Variants in ADGRL2 observed in about 807,000 individuals in gnomAD.
The protein encoded by ADGRL2 is adhesion G protein-coupled receptor L2.
ADGRL2 carries 44 observed loss-of-function variants against 157.4 expected under a neutral mutation model. That is an observed-to-expected ratio of 0.28 (90% confidence interval 0.22 to 0.36). ADGRL2 has a LOEUF of 0.36. Among genes scored for constraint, ADGRL2 ranks in the 10% least tolerant of loss-of-function variants. The pLI, the probability that ADGRL2 is intolerant of heterozygous loss-of-function variation, is 1.00. For missense variants in ADGRL2, 1,510 were observed against 1,768.9 expected, an observed-to-expected ratio of 0.85 and a Z score of 2.63; for synonymous variants, 585 against 624.7, an observed-to-expected ratio of 0.94 and a Z score of 0.95.
intron 1 of ADGRL2, among the ~76,000 whole-genome samples, chr1:81,711,493 T>A (rs1449689232): frequency 6.6e-6 from 1 of 152,218 alleles, no homozygotes; most frequent in Non-Finnish European, 1.5e-5. Flanking sequence ...ATATTAAAGA[T>A]GTATATTCAG....
At chr1:81,754,549 TTCTTTCTC>T (rs2085610846) in intron 1 of ADGRL2, among the ~76,000 whole-genome samples, 1 of 139,784 alleles carries the variant, frequency 7.2e-6, no homozygotes, top group South Asian at 2.4e-4. Flanking sequence ...CTTTCCTTCT[TTCTTTCTC>T]TCTTTCTTTC....
At chr1:81,825,894 AAGGTGATAAATCAGC>A (rs2091436525) in intron 1 of ADGRL2, among the ~76,000 whole-genome samples, 1 of 152,112 alleles carries the variant, frequency 6.6e-6, no homozygotes, top group African/African-American at 2.4e-5. Context: ...AGATGGATGG[AAGGTGATAAATCAGC>A]TTTGAGATTT....
chr1:81,783,337 C>A (rs1299739806), intron 2 of ADGRL2, among the ~76,000 whole-genome samples: 1 of 151,960 alleles, frequency 6.6e-6, no homozygotes, highest in Admixed American at 6.6e-5. Context: ...ACCGTGTTGC[C>A]CATGCTGGTC....
intron 3 of ADGRL2, among the ~76,000 whole-genome samples, chr1:81,658,346 C>G (rs182437362): frequency 1.3e-5 from 2 of 152,132 alleles, no homozygotes; most frequent in African/African-American, 4.8e-5. Context: ...CCACCTGCCT[C>G]GGCCTCCCAA....
At position 81,524,361 on chromosome 1, in the gene ADGRL2, G is replaced by A. The variant is rs548113904; in HGVS notation, c.-247-56515G>A. On this transcript the variant is annotated intron_variant, in intron 2 of 24. Transcript: ENST00000370721. ...AGCCTGGGCAACAGAGCGAGACTCC[G>A]TCTCAAAAAATAAATAAATAAAAAT... 2.2e-4 allele frequency among the ~76,000 whole-genome samples: 33 copies of A among 152,138 alleles called. 1 individual carries two copies. Among genetic ancestry groups the A allele is most frequent in the South Asian group, 4.1e-4 (2 of 4,826 alleles).
At position 81,991,185 on chromosome 1, in the gene ADGRL2, TAATA is replaced by T. The variant is rs761203786; in HGVS notation, c.*47_*50del. ...AATTCCAAGGGCCACATGCGAGTAT[TAATA>T]AATAAAGACACCATTGGCCTGACGC... On this transcript the variant is annotated 3_prime_UTR_variant, in exon 24 of 24. Coordinates refer to ENST00000686636, the MANE Select transcript of ADGRL2 (RefSeq NM_001366006.2). 18 of 1,543,306 alleles carry T rather than the reference TAATA, an allele frequency of 1.2e-5. No individual in the cohort carries two copies. Among genetic ancestry groups the T allele is most frequent in the Non-Finnish European group, 1.5e-5 (17 of 1,144,074 alleles).
intron 1 of ADGRL2, among the ~76,000 whole-genome samples, chr1:81,720,384 G>T (rs924604459): frequency 1.3e-5 from 2 of 152,010 alleles, no homozygotes; most frequent in African/African-American, 4.8e-5. Flanking sequence ...TGCTCAGGCT[G>T]GTCTCAAACT....
chr1:81,503,983 C>G (rs1377498087), intron 2 of ADGRL2, among the ~76,000 whole-genome samples: 1 of 152,170 alleles, frequency 6.6e-6, no homozygotes, highest in African/African-American at 2.4e-5. Flanking sequence ...TTCCAGCCCA[C>G]TTTGCCTACT....
chr1:81,502,537 G>C, intron 2 of ADGRL2: 4 of 1,614,044 alleles, frequency 2.5e-6, no homozygotes, highest in Non-Finnish European at 3.4e-6. Flanking sequence ...TGTACATGCT[G>C]TATAAGCTGG....
chr1:81,826,437 C>CCGTT (rs2091487236), intron 1 of ADGRL2, among the ~76,000 whole-genome samples: 1 of 151,606 alleles, frequency 6.6e-6, no homozygotes, highest in African/African-American at 2.4e-5. Context: ...CCTAGAATGA[C>CCGTT]TGGTACCAGC....
intron 2 of ADGRL2, among the ~76,000 whole-genome samples, chr1:81,892,372 G>A (rs75215456): frequency 0.013 from 2,013 of 152,208 alleles, 43 homozygotes; most frequent in African/African-American, 0.046. Context: ...CTTAAGAGGA[G>A]CATTTAAAAA....
chr1:81,337,485 G>A (rs1227551941), intron 1 of ADGRL2, among the ~76,000 whole-genome samples: 2 of 152,104 alleles, frequency 1.3e-5, no homozygotes, highest in Non-Finnish European at 2.9e-5. Flanking sequence ...GAGTAAACAA[G>A]CCATCCCCTT....
At chr1:81,872,972 A>G (rs2093738582) in intron 2 of ADGRL2, among the ~76,000 whole-genome samples, 11 of 152,110 alleles carry the variant, frequency 7.2e-5, no homozygotes, top group Admixed American at 7.2e-4. Context: ...ATAATGCTTA[A>G]CTCTCTGAAG....
chr1:81,931,682 GT>G (rs545197296), intron 3 of ADGRL2, among the ~76,000 whole-genome samples: 121 of 152,042 alleles, frequency 8.0e-4, no homozygotes, highest in African/African-American at 2.8e-3. Flanking sequence ...CCTTGTTTTT[GT>G]TTTTGAGACA....
At chr1:81,961,509 C>T (rs368960622) in intron 11 of ADGRL2, among the ~76,000 whole-genome samples, 12 of 137,304 alleles carry the variant, frequency 8.7e-5, no homozygotes, top group South Asian at 2.3e-4. Context: ...AATTTTCTTT[C>T]TTTTTTTTTT....
chr1:81,533,562 T>C (rs2079657816), intron 2 of ADGRL2, among the ~76,000 whole-genome samples: 1 of 152,198 alleles, frequency 6.6e-6, no homozygotes, highest in African/African-American at 2.4e-5. Flanking sequence ...TCTGCAGGCT[T>C]CTTTTCCTTG....
Position 81,829,560 on chromosome 1 carries a change from T to C in ADGRL2, c.-100-7325T>C, listed in dbSNP as rs190135929. Among the ~76,000 whole-genome samples the C allele has an allele frequency of 1.1e-4, 16 of 152,316 alleles. No homozygotes were observed. The East Asian group carries it at 3.1e-3, about 29-fold the overall frequency. ...AAGGCAGAGTGTGAAATATGTGAGC[T>C]AAATGCTTCAGGTTATTATAATATT... On this transcript the variant is annotated intron_variant, in intron 1 of 23. Transcript: ENST00000686636.
chr1:81,308,023 A>G (rs1057242784), intron 1 of ADGRL2, among the ~76,000 whole-genome samples: 1 of 152,004 alleles, frequency 6.6e-6, no homozygotes, highest in Non-Finnish European at 1.5e-5. Context: ...GCTTCGTGGC[A>G]TTTTAGTGAT....
At chr1:81,861,501 C>G (rs974922643) in intron 2 of ADGRL2, among the ~76,000 whole-genome samples, 1 of 152,136 alleles carries the variant, frequency 6.6e-6, no homozygotes, top group East Asian at 1.9e-4. Flanking sequence ...AAAGGTGTTA[C>G]CGTGCAGTGT....
Sources: gnomAD v4.1 joint callset for allele counts (sites outside exome capture counted in the v4.1 genomes callset) on GRCh38, gnomAD v4.1.1 for gene constraint, MANE v1.5 for transcripts, NCBI Gene and HGNC (gene_info 2026-07-23, HGNC 2026-07-21) for gene names.